The following THOP1 variants were observed in gnomAD, a reference collection of about 807,000 sequenced individuals.
THOP1 encodes the protein thimet oligopeptidase.
Under a neutral mutation model 71.8 loss-of-function variants are expected in THOP1, and 49 were observed. That is an observed-to-expected ratio of 0.68 (90% CI 0.54 to 0.87). The LOEUF (loss-of-function observed/expected upper bound fraction) is 0.87. Among genes scored for constraint, THOP1 ranks in the 40% least tolerant of loss-of-function variants. The pLI, the probability that THOP1 is intolerant of heterozygous loss-of-function variation, is 0.00. For synonymous variants in THOP1, 426 were observed against 421.5 expected, an observed-to-expected ratio of 1.01 and a Z score of -0.13; for missense variants, 843 against 975.6, an observed-to-expected ratio of 0.86 and a Z score of 1.81.
chr19:2,807,188 C>G, intron 7 of THOP1, 136 bp downstream of exon 7: 1 of 1,302,454 alleles, frequency 7.7e-7, no homozygotes, highest in Non-Finnish European at 1.0e-6. Context: ...TGCCCTGGCT[C>G]CCTCACTCCC....
intron 4 of THOP1, among the ~76,000 whole-genome samples, chr19:2,799,147 GA>G (rs940419880): frequency 1.2e-4 from 19 of 152,290 alleles, no homozygotes; most frequent in African/African-American, 4.1e-4. Flanking sequence ...GCAACATGGT[GA>G]AACCCCGTCT....
intron 9 of THOP1, chr19:2,809,467 CAG>C (rs1222077239): frequency 1.3e-5 from 2 of 152,264 alleles, no homozygotes; most frequent in Non-Finnish European, 1.5e-5. Flanking sequence ...AGTGAGAAGA[CAG>C]AGTGCGGCCC....
intron 3 of THOP1, chr19:2,795,879 T>C: frequency 2.0e-6 from 1 of 492,912 alleles, no homozygotes; most frequent in East Asian, 3.8e-5. Flanking sequence ...CTGATGTCAG[T>C]GTGGGGCTCT....
At position 2,807,566 on chromosome 19, in the gene THOP1, G is replaced by A. The variant is rs888230775; in HGVS notation, c.1011G>A (p.Met337Ile). ...PFDGRIRAWD[M>I]RYYMNQVEET... Reference sequence around the variant, plus strand: ...ACGGCCGCATCCGTGCCTGGGACATGCGCTACTACATGAACCAGGTGGAGG... The same window carrying A: ...ACGGCCGCATCCGTGCCTGGGACATACGCTACTACATGAACCAGGTGGAGG... The change falls in exon 8 of 13, where the codon ATG becomes ATA. Residue 337 changes from methionine to isoleucine, a missense_variant. By Grantham distance (10) the Met-to-Ile change is conservative (BLOSUM62 1). Transcript: ENST00000307741. 1 of 1,612,644 alleles carries A rather than the reference G, an allele frequency of 6.2e-7. No homozygotes were observed. The highest frequency in any genetic ancestry group is 8.5e-7 in the Non-Finnish European group (1 of 1,179,864).
intron 1 of THOP1, among the ~76,000 whole-genome samples, chr19:2,786,493 C>T (rs1344379384): frequency 1.3e-5 from 2 of 152,120 alleles, no homozygotes; most frequent in African/African-American, 2.4e-5. Context: ...CTGCCTCGGC[C>T]TCCCAAAGTG....
intron 5 of THOP1, among the ~76,000 whole-genome samples, chr19:2,803,273 G>GAC (rs1474347181): frequency 1.3e-5 from 2 of 152,252 alleles, no homozygotes; most frequent in South Asian, 2.1e-4. Context: ...ACCACACATG[G>GAC]ACACACACAC....
intron 1 of THOP1, among the ~76,000 whole-genome samples, chr19:2,787,580 C>T (rs1915777283): frequency 6.6e-6 from 1 of 152,170 alleles, no homozygotes; most frequent in South Asian, 2.1e-4. Flanking sequence ...GTTCTAAAAT[C>T]CTAAATACTC....
intron 2 of THOP1, among the ~76,000 whole-genome samples, chr19:2,793,087 A>C (rs1441211597): frequency 6.6e-6 from 1 of 152,070 alleles, no homozygotes; most frequent in Non-Finnish European, 1.5e-5. Context: ...AGGCAGGAGA[A>C]TCACTTGAAC....
chr19:2,794,177 G>C (rs995879191), intron 2 of THOP1, among the ~76,000 whole-genome samples: 4 of 151,968 alleles, frequency 2.6e-5, no homozygotes, highest in Non-Finnish European at 5.9e-5. Context: ...ACCACGCCTG[G>C]CTAATTTTTG....
chr19:2,808,736 C>G (rs1254502704), intron 9 of THOP1, among the ~76,000 whole-genome samples: 1 of 152,230 alleles, frequency 6.6e-6, no homozygotes, highest in Non-Finnish European at 1.5e-5. Flanking sequence ...CGAGGTCCCT[C>G]CTTGGCTTGT....
chr19:2,811,729 A>G lies in THOP1; in HGVS notation c.1903A>G (p.Ser635Gly), dbSNP rs139083127. 622 of 1,493,066 alleles carry G rather than the reference A, an allele frequency of 4.2e-4. 3 individuals carry two copies. In the African/African-American group the frequency reaches 9.2e-3, roughly 22 times the overall value. The allele number at this position is 1,493,066 out of a possible 1,614,324, so 92.5% of individuals were successfully genotyped here. The change falls in exon 12 of 13, where the codon AGC (serine) becomes GGC (glycine). Residue 635 changes from serine (S) to glycine (G), a missense_variant. Coordinates refer to ENST00000307741, the MANE Select transcript of THOP1 (RefSeq NM_003249.5). ...TRFKQEGVLN[S>G]KVGMDYRSCI... ...CTTCAAGCAGGAGGGTGTCCTGAAC[A>G]GCAAGGTACGCGGGGACTGGGGACA...
In THOP1 at chr19:2,807,015, C is replaced by T; in HGVS notation, c.849C>T (p.Asn283=). The T allele has an allele frequency of 6.2e-7, 1 of 1,612,796 alleles. No homozygotes were observed. The highest frequency in any genetic ancestry group is 8.5e-7 in the Non-Finnish European group (1 of 1,179,736). The change falls in exon 7 of 13, where the codon AAC becomes AAT. Residue 283 remains asparagine, a synonymous_variant. Transcript: ENST00000307741. ...ACGCCGACTATGTCCTGGAGATGAA[C>T]ATGGCCAAGACCAGCCAGACCGTGG... The part of the protein sequence containing the change: ...HTHADYVLEM[N]MAKTSQTVAT...
intron 2 of THOP1, 143 bp from the exon 3 acceptor site, chr19:2,794,621 G>A: frequency 9.8e-7 from 1 of 1,023,368 alleles, no homozygotes; most frequent in South Asian, 1.7e-5. Context: ...TGTGCCTCTA[G>A]TCCCAGCTAC....
Position 2,811,340 on chromosome 19 carries a change from G to T in THOP1, c.1772-258G>T, listed in dbSNP as rs558298196. On this transcript the variant is annotated intron_variant, in intron 11 of 12. Transcript: ENST00000307741. ...GCTTTATTGACGCAGTCTCAAAATG[G>T]GGACTTTGCTCTGTGGCAGCTGACA... Among the ~76,000 whole-genome samples, 8 of 152,322 alleles carry T rather than the reference G, an allele frequency of 5.3e-5. No homozygotes were observed. The East Asian group carries it at 9.7e-4, about 18-fold the overall frequency.
chr19:2,803,219 T>C (rs1916200389), intron 5 of THOP1, among the ~76,000 whole-genome samples: 1 of 152,172 alleles, frequency 6.6e-6, no homozygotes, highest in Admixed American at 6.5e-5. Context: ...GGAGCAGCAT[T>C]CCTGGGCACC....
intron 3 of THOP1, among the ~76,000 whole-genome samples, chr19:2,795,439 C>A (rs2144763232): frequency 6.6e-6 from 1 of 152,336 alleles, no homozygotes; most frequent in South Asian, 2.1e-4. Flanking sequence ...CAGGAGAGAC[C>A]CAGAGACCCT....
At position 2,813,117 on chromosome 19, in the gene THOP1, T is replaced by G. The variant is rs757464992; in HGVS notation, c.1911T>G (p.Val637=). Residue 637 remains valine (V), a splice_region_variant and synonymous_variant, in exon 13 of 13, where the codon GTT becomes GTG. Coordinates refer to ENST00000307741, the MANE Select transcript of THOP1 (RefSeq NM_003249.5). The part of the protein sequence containing the change: ...FKQEGVLNSK[V]GMDYRSCILR... Reference sequence around the variant, plus strand: ...ACAGTGCCCTGTCTCCTCGGCAGGTTGGCATGGATTACAGAAGCTGCATCC... The same window carrying G: ...ACAGTGCCCTGTCTCCTCGGCAGGTGGGCATGGATTACAGAAGCTGCATCC... 2 of 1,609,212 alleles carry G rather than the reference T, an allele frequency of 1.2e-6. No individual in the cohort carries two copies. Among genetic ancestry groups the G allele is most frequent in the Non-Finnish European group, 1.7e-6 (2 of 1,177,960 alleles).
chr19:2,806,651 C>T, intron 6 of THOP1: 1 of 514,152 alleles, frequency 1.9e-6, no homozygotes, highest in Non-Finnish European at 3.4e-6. Context: ...CTCGGAGGCT[C>T]CTCGGACAGC....
At chr19:2,793,894 G>A (rs1031122925) in intron 2 of THOP1, among the ~76,000 whole-genome samples, 2 of 152,044 alleles carry the variant, frequency 1.3e-5, no homozygotes, top group African/African-American at 2.4e-5. Context: ...TGTGAATCGC[G>A]CTGCTGTGAG....
Sources: allele counts gnomAD v4.1 joint callset (sites outside exome capture counted in the v4.1 genomes callset), GRCh38; gene constraint gnomAD v4.1.1; transcripts MANE v1.5; gene names NCBI Gene and HGNC (gene_info 2026-07-23, HGNC 2026-07-21).